ROBO2: variants seen among roughly 807,000 people sequenced by gnomAD.
ROBO2 encodes roundabout homolog 2.
Under a neutral mutation model 160.8 loss-of-function variants are expected in ROBO2, and 53 were observed. That is an observed-to-expected ratio of 0.33 (90% confidence interval 0.26 to 0.41). The LOEUF (loss-of-function observed/expected upper bound fraction) is 0.41. ROBO2 is among the 10% of genes least tolerant of loss of function. ROBO2 has a pLI of 1.00. For synonymous variants in ROBO2, 664 were observed against 611.7 expected (o/e 1.09, Z -1.26); for missense variants, 1,577 against 1,722.4 (o/e 0.92, Z 1.49).
chr3:76,200,402 A>G (rs1312742034), intron 2 of ROBO2, among the ~76,000 whole-genome samples: 3 of 152,160 alleles, frequency 2.0e-5, no homozygotes, highest in Non-Finnish European at 4.4e-5. Flanking sequence ...TACTTTTTAT[A>G]AAAGGAAAGC....
At chr3:76,722,646 C>T (rs166130) in intron 2 of ROBO2, among the ~76,000 whole-genome samples, 84,177 of 152,024 alleles carry the variant, frequency 0.55, 24,433 homozygotes, top group Non-Finnish European at 0.65. Flanking sequence ...GGGTCAATCA[C>T]TAATCTACAT....
At chr3:77,271,106 G>C (rs1282747346) in intron 2 of ROBO2, among the ~76,000 whole-genome samples, 1 of 151,838 alleles carries the variant, frequency 6.6e-6, no homozygotes, top group African/African-American at 2.4e-5. Flanking sequence ...AACACTATAT[G>C]TTATCATTAT....
intron 2 of ROBO2, among the ~76,000 whole-genome samples, chr3:76,355,112 C>T (rs1185120476): frequency 6.6e-6 from 1 of 151,114 alleles, no homozygotes; most frequent in East Asian, 2.0e-4. Flanking sequence ...TATATTCACT[C>T]CTTAGGTAAG....
At chr3:77,309,064 GTTTTT>G (rs60708956) in intron 2 of ROBO2, among the ~76,000 whole-genome samples, 1 of 145,732 alleles carries the variant, frequency 6.9e-6, no homozygotes. Flanking sequence ...GCTATTTATT[GTTTTT>G]TTTTTTTTTT....
upstream of ROBO2, among the ~76,000 whole-genome samples, chr3:77,035,341 G>A (rs1196326747): frequency 2.0e-5 from 3 of 151,626 alleles, no homozygotes; most frequent in Non-Finnish European, 3.0e-5. Context: ...AAAGAAATTT[G>A]GCCTCAATGT....
At chr3:77,132,697 AT>A (rs549376606) in intron 2 of ROBO2, among the ~76,000 whole-genome samples, 3,602 of 146,116 alleles carry the variant, frequency 0.025, 51 homozygotes, top group Middle Eastern at 0.07. Context: ...TTGGCCACTG[AT>A]TTTTTTTTTT....
At chr3:76,419,548 A>C (rs1235933669) in intron 2 of ROBO2, among the ~76,000 whole-genome samples, 2 of 152,086 alleles carry the variant, frequency 1.3e-5, no homozygotes, top group East Asian at 3.9e-4. Flanking sequence ...CTTCTAAATG[A>C]ACTACCTGTA....
intron 5 of ROBO2, among the ~76,000 whole-genome samples, chr3:77,497,127 T>G (rs1441293763): frequency 6.6e-6 from 1 of 152,108 alleles, no homozygotes; most frequent in South Asian, 2.1e-4. Flanking sequence ...GAGTCTACAT[T>G]ATACATATTA....
intron 2 of ROBO2, among the ~76,000 whole-genome samples, chr3:76,364,872 C>T (rs181930498): frequency 7.2e-5 from 11 of 152,134 alleles, no homozygotes; most frequent in East Asian, 1.9e-4. Flanking sequence ...GGGCAACCTA[C>T]GGTGTAAACT....
chr3:77,106,449 G>A (rs184850929), intron 2 of ROBO2, among the ~76,000 whole-genome samples: 5 of 152,156 alleles, frequency 3.3e-5, no homozygotes, highest in Admixed American at 6.5e-5. Flanking sequence ...ATATAATTTC[G>A]TGCAGTAACT....
chr3:76,589,795 C>G (rs1169484887), intron 2 of ROBO2, among the ~76,000 whole-genome samples: 1 of 152,052 alleles, frequency 6.6e-6, no homozygotes, highest in Non-Finnish European at 1.5e-5. Flanking sequence ...ACCAACAAAA[C>G]CTAACCACCC....
chr3:77,641,364 G>T (rs889247856), intron 24 of ROBO2, among the ~76,000 whole-genome samples: 2 of 152,208 alleles, frequency 1.3e-5, no homozygotes. Flanking sequence ...ATGCAGATTA[G>T]TATCACTTTG....
intron 2 of ROBO2, among the ~76,000 whole-genome samples, chr3:76,059,328 G>T (rs569970476): frequency 0.013 from 1,961 of 151,560 alleles, 17 homozygotes; most frequent in Middle Eastern, 0.044. Flanking sequence ...CCTGACTTTT[G>T]AATGATTGCC....
At chr3:77,481,925 G>C (rs927489052) in intron 4 of ROBO2, among the ~76,000 whole-genome samples, 2 of 152,040 alleles carry the variant, frequency 1.3e-5, no homozygotes, top group African/African-American at 4.8e-5. Flanking sequence ...CTGCAGGGCA[G>C]CTGTGGAAGG....
intron 2 of ROBO2, among the ~76,000 whole-genome samples, chr3:76,952,475 G>T (rs1343639298): frequency 6.6e-6 from 1 of 151,888 alleles, no homozygotes; most frequent in Admixed American, 6.6e-5. Context: ...GTAGAGATGG[G>T]GTTTCACCAT....
intron 2 of ROBO2, among the ~76,000 whole-genome samples, chr3:76,259,232 A>G (rs1199113737): frequency 1.3e-5 from 2 of 152,082 alleles, no homozygotes; most frequent in Non-Finnish European, 2.9e-5. Flanking sequence ...AGATCCAACT[A>G]AAAGAACTTG....
intron 2 of ROBO2, among the ~76,000 whole-genome samples, chr3:76,627,919 A>G (rs1000765856): frequency 1.3e-5 from 2 of 152,170 alleles, no homozygotes; most frequent in Non-Finnish European, 2.9e-5. Flanking sequence ...CCATAATCCT[A>G]AAACTAAGTC....
chr3:75,973,511 A>T (rs72890313), intron 2 of ROBO2, among the ~76,000 whole-genome samples: 1,890 of 151,788 alleles, frequency 0.012, 47 homozygotes, highest in African/African-American at 0.044. Context: ...AAGGAGCAAG[A>T]GGGAGAGATG....
intron 2 of ROBO2, among the ~76,000 whole-genome samples, chr3:77,400,412 C>T (rs1246007012): frequency 6.6e-6 from 1 of 152,068 alleles, no homozygotes; most frequent in African/African-American, 2.4e-5. Flanking sequence ...TGAAATCAAC[C>T]GTGGATTCTT....
Sources: gnomAD v4.1 joint callset for allele counts (sites outside exome capture counted in the v4.1 genomes callset) on GRCh38, gnomAD v4.1.1 for gene constraint, MANE v1.5 for transcripts, NCBI Gene and HGNC (gene_info 2026-07-23, HGNC 2026-07-21) for gene names.